Variants in MAP4K3 observed in about 807,000 individuals in gnomAD.
MAP4K3 encodes the protein mitogen-activated protein kinase kinase kinase kinase 3.
MAP4K3 carries 94 observed loss-of-function variants against 143.5 expected under a neutral mutation model. The observed-to-expected ratio is 0.65, with a 90% CI of 0.55 to 0.78. The LOEUF is 0.78. Ranked by LOEUF, MAP4K3 falls within the 30% of genes least tolerant of loss-of-function variation. The pLI is 0.00. For missense variants in MAP4K3, 1,077 were observed against 1,068.1 expected, an observed-to-expected ratio of 1.01 and a Z score of -0.12; for synonymous variants, 416 against 347.2, an observed-to-expected ratio of 1.20 and a Z score of -2.20.
At chr2:39,386,691 A>G (rs1242477116) in intron 1 of MAP4K3, among the ~76,000 whole-genome samples, 1 of 152,208 alleles carries the variant, frequency 6.6e-6, no homozygotes, top group Non-Finnish European at 1.5e-5. Flanking sequence ...ACCTTTGTCA[A>G]AAATGAATTG....
intron 26 of MAP4K3, among the ~76,000 whole-genome samples, chr2:39,270,174 G>A (rs1680953018): frequency 6.6e-6 from 1 of 152,156 alleles, no homozygotes. Flanking sequence ...CCATAGGGAT[G>A]ACTACTACAC....
chr2:39,288,229 G>A lies in MAP4K3; in HGVS notation c.1366C>T (p.Gln456Ter). ...QEMHSTEDENQGTIKRCPMSG... is the reference protein window; with the variant it reads ...QEMHSTEDEN ...ATGGGACATCTCTTGATTGTTCCTT[G>A]ATTTTCATCCTCAGTAGAATGCATT... Residue 456 changes from glutamine to a stop codon, truncating the protein, a stop_gained, in exon 20 of 34, where the codon CAA (glutamine) becomes TAA (stop). Coordinates refer to ENST00000263881, the MANE Select transcript of MAP4K3 (RefSeq NM_003618.4). LOFTEE classifies it high-confidence loss of function. 2 of 1,614,012 alleles carry A rather than the reference G, an allele frequency of 1.2e-6. No homozygotes were observed. Among genetic ancestry groups the A allele is most frequent in the Non-Finnish European group, 1.7e-6 (2 of 1,179,964 alleles).
chr2:39,251,673 A>G (rs1359058879), intron 33 of MAP4K3, among the ~76,000 whole-genome samples, 157 bp downstream of exon 33: 1 of 152,238 alleles, frequency 6.6e-6, no homozygotes. Flanking sequence ...GTACATTTTC[A>G]AAGGCTAACT....
At chr2:39,291,724 A>G (rs910733719) in intron 18 of MAP4K3, among the ~76,000 whole-genome samples, 21 of 151,984 alleles carry the variant, frequency 1.4e-4, no homozygotes, top group African/African-American at 4.6e-4. Flanking sequence ...CATCTCTACC[A>G]AAAAATAGAA....
chr2:39,341,179 G>A (rs998524648), intron 4 of MAP4K3, among the ~76,000 whole-genome samples: 1 of 152,172 alleles, frequency 6.6e-6, no homozygotes, highest in East Asian at 1.9e-4. Flanking sequence ...ACCTGCAAAG[G>A]ATCAATAATT....
intron 2 of MAP4K3, among the ~76,000 whole-genome samples, chr2:39,369,145 A>C (rs1198947870): frequency 6.6e-6 from 1 of 151,422 alleles, no homozygotes; most frequent in Admixed American, 6.6e-5. Context: ...CTGTAAAAAC[A>C]AACGAAATCC....
At chr2:39,263,438 ATT>A (rs34894620) in intron 28 of MAP4K3, among the ~76,000 whole-genome samples, 20 of 136,420 alleles carry the variant, frequency 1.5e-4, no homozygotes, top group East Asian at 2.2e-4. Flanking sequence ...ACGCCCGGCT[ATT>A]TTTTTTTTTT....
At chr2:39,428,299 C>CA (rs1665161053) in intron 1 of MAP4K3, among the ~76,000 whole-genome samples, 2 of 152,162 alleles carry the variant, frequency 1.3e-5, no homozygotes, top group Admixed American at 1.3e-4. Context: ...TTAATAAGCT[C>CA]AAAAGCTGTG....
intron 31 of MAP4K3, among the ~76,000 whole-genome samples, chr2:39,257,153 C>T (rs772356551): frequency 1.3e-5 from 2 of 152,168 alleles, no homozygotes; most frequent in African/African-American, 2.4e-5. Flanking sequence ...AATACACATA[C>T]ACGCAAATAT....
At chr2:39,315,699 T>C (rs1302764974) in intron 12 of MAP4K3, among the ~76,000 whole-genome samples, 1 of 152,152 alleles carries the variant, frequency 6.6e-6, no homozygotes, top group Non-Finnish European at 1.5e-5. Flanking sequence ...ATCAGACTTG[T>C]CTAGATCCAT....
At chr2:39,296,278 C>A (rs1682279171) in intron 16 of MAP4K3, among the ~76,000 whole-genome samples, 1 of 152,040 alleles carries the variant, frequency 6.6e-6, no homozygotes, top group South Asian at 2.1e-4. Flanking sequence ...TGAAATATGG[C>A]TAAATTTGCT....
At chr2:39,317,588 G>A (rs1190234588) in intron 12 of MAP4K3, among the ~76,000 whole-genome samples, 1 of 151,872 alleles carries the variant, frequency 6.6e-6, no homozygotes, top group Non-Finnish European at 1.5e-5. Flanking sequence ...TTAAAAAGTG[G>A]GCAAAGGACA....
chr2:39,324,396 G>C (rs1341710486), intron 12 of MAP4K3, among the ~76,000 whole-genome samples: 1 of 151,394 alleles, frequency 6.6e-6, no homozygotes, highest in East Asian at 1.9e-4. Context: ...AATAGAGTAA[G>C]ACTCATCTCA....
intron 15 of MAP4K3, among the ~76,000 whole-genome samples, chr2:39,301,430 T>C (rs1682505657): frequency 6.6e-6 from 1 of 152,238 alleles, no homozygotes; most frequent in South Asian, 2.1e-4. Context: ...CCTTAAACTG[T>C]AGTATTCAGT....
At chr2:39,418,814 C>A (rs1667465896) in intron 1 of MAP4K3, among the ~76,000 whole-genome samples, 1 of 151,830 alleles carries the variant, frequency 6.6e-6, no homozygotes, top group East Asian at 1.9e-4. Context: ...GTTATCAAAA[C>A]GTCTGTGAAG....
At chr2:39,253,235 G>A (rs1260648945) in intron 32 of MAP4K3, among the ~76,000 whole-genome samples, 3 of 152,142 alleles carry the variant, frequency 2.0e-5, no homozygotes, top group Admixed American at 6.5e-5. Flanking sequence ...GGGTTCAAGC[G>A]ATTCTCCTGC....
intron 19 of MAP4K3, among the ~76,000 whole-genome samples, chr2:39,288,777 G>A (rs902628012): frequency 1.3e-5 from 2 of 152,232 alleles, no homozygotes; most frequent in African/African-American, 4.8e-5. Flanking sequence ...ATGTGGCCGG[G>A]TGCGGTGGCT....
At chr2:39,360,977 T>C (rs1008294132) in intron 2 of MAP4K3, among the ~76,000 whole-genome samples, 1 of 152,130 alleles carries the variant, frequency 6.6e-6, no homozygotes, top group Non-Finnish European at 1.5e-5. Flanking sequence ...CCTGAAAAGG[T>C]CCCTTATTTC....
At chr2:39,397,053 C>G (rs888060714) in intron 1 of MAP4K3, among the ~76,000 whole-genome samples, 5 of 152,186 alleles carry the variant, frequency 3.3e-5, no homozygotes, top group African/African-American at 1.2e-4. Context: ...TAAATGACAA[C>G]TTTTCATCAA....
Sources: allele counts gnomAD v4.1 joint callset (sites outside exome capture counted in the v4.1 genomes callset), GRCh38; gene constraint gnomAD v4.1.1; transcripts MANE v1.5; gene names NCBI Gene and HGNC (gene_info 2026-07-23, HGNC 2026-07-21).